The following FBXL2 variants were observed in gnomAD, a reference collection of about 807,000 sequenced individuals.
The protein encoded by FBXL2 is F-box/LRR-repeat protein 2.
A neutral mutation model predicts 69.2 loss-of-function variants in FBXL2; 38 were observed. The ratio of observed to expected loss-of-function variants is 0.55; its 90% CI spans 0.42 to 0.72. The LOEUF is 0.72. Among genes scored for constraint, FBXL2 ranks in the 30% least tolerant of loss-of-function variants. FBXL2 has a pLI of 0.00. For missense variants in FBXL2, 354 were observed against 520.3 expected, an observed-to-expected ratio of 0.68 and a Z score of 3.11; for synonymous variants, 192 against 201.3, an observed-to-expected ratio of 0.95 and a Z score of 0.39.
At chr3:33,403,540 A>G (rs1289889245) in exon 13 of FBXL2, 2 of 118,870 alleles carry the variant, frequency 1.7e-5, no homozygotes, top group Non-Finnish European at 3.7e-5. Context: ...TGTCTATCTA[A>G]TCTATCTGTC....
chr3:33,321,250 C>T (rs2038181513), intron 2 of FBXL2, among the ~76,000 whole-genome samples: 1 of 149,784 alleles, frequency 6.7e-6, no homozygotes, highest in Non-Finnish European at 1.5e-5. Context: ...ATGGAGGTTG[C>T]AGTGAGCTGA....
At chr3:33,337,845 A>G (rs1464766882) in intron 2 of FBXL2, among the ~76,000 whole-genome samples, 1 of 152,222 alleles carries the variant, frequency 6.6e-6, no homozygotes, top group East Asian at 1.9e-4. Flanking sequence ...AGCCAAATCA[A>G]GAACGCAATA....
At chr3:33,416,538 A>G in the FBXL2 span, among the ~76,000 whole-genome samples, 2 of 152,196 alleles carry the variant, frequency 1.3e-5, no homozygotes, top group Non-Finnish European at 2.9e-5. Flanking sequence ...CATAACTACA[A>G]CTAACTTTTC....
At chr3:33,285,578 A>C (rs1297723405) in intron 1 of FBXL2, among the ~76,000 whole-genome samples, 1 of 152,154 alleles carries the variant, frequency 6.6e-6, no homozygotes, top group African/African-American at 2.4e-5. Context: ...CTGAATTTGA[A>C]TGTTGGCCTG....
In FBXL2 at chr3:33,384,009, C is replaced by G; in HGVS notation, c.972C>G (p.Leu324=). The change falls in exon 14 of 15, where the codon CTC becomes CTG. Residue 324 remains leucine, a synonymous_variant. Transcript: ENST00000484457. ...TCCAGAGCCTGTCCCACTGTGAACT[C>G]ATCACAGATGATGGGATCCTGCACC... is the stretch of plus-strand genomic sequence containing the variant. The part of the protein sequence containing the change: ...LQALSLSHCE[L]ITDDGILHLS... The G allele has an allele frequency of 6.2e-7, 1 of 1,614,054 alleles. No individual in the cohort carries two copies. The highest frequency in any genetic ancestry group is 8.5e-7 in the Non-Finnish European group (1 of 1,179,954).
intron 2 of FBXL2, among the ~76,000 whole-genome samples, chr3:33,323,620 C>G (rs112189711): frequency 2.0e-5 from 3 of 152,236 alleles, no homozygotes; most frequent in Non-Finnish European, 4.4e-5. Flanking sequence ...TCATCCATGT[C>G]CCTGTAAAGG....
In FBXL2 at chr3:33,385,826, CAT is replaced by C; in HGVS notation, c.*219_*220del. On this transcript the variant is annotated 3_prime_UTR_variant, in exon 15 of 15. Coordinates refer to ENST00000484457, the MANE Select transcript of FBXL2 (RefSeq NM_012157.5). ...AATCAAAGCCTTGTGTCAGTTAACA[CAT>C]GACAAGTGGTCTCAATGCAGCTAGG... 1.8e-6 allele frequency: 1 copy of C among 565,984 alleles called. No homozygotes were observed. The highest frequency in any genetic ancestry group is 3.2e-6 in the Non-Finnish European group (1 of 316,104). The allele number at this position is 565,984 out of a possible 1,614,324, so 35.1% of individuals were successfully genotyped here. A position where few individuals can be genotyped will look rare whatever the true frequency, so the allele number is the denominator to read the frequency against.
chr3:33,421,731 T>C, the FBXL2 span, among the ~76,000 whole-genome samples: 1 of 152,234 alleles, frequency 6.6e-6, no homozygotes, highest in Non-Finnish European at 1.5e-5. Flanking sequence ...CAGCATTACA[T>C]AGTGGCAAAT....
intron 4 of FBXL2, among the ~76,000 whole-genome samples, chr3:33,362,958 AT>A (rs11352031): frequency 0.26 from 38,974 of 151,992 alleles, 5,879 homozygotes; most frequent in East Asian, 0.47. Flanking sequence ...GAAAGTATAA[AT>A]AAATGCTAGC....
At chr3:33,337,222 C>CA (rs910938992) in intron 2 of FBXL2, among the ~76,000 whole-genome samples, 1 of 151,894 alleles carries the variant, frequency 6.6e-6, no homozygotes, top group Non-Finnish European at 1.5e-5. Context: ...AACAAACAAA[C>CA]AAAAAAACCT....
chr3:33,373,584 C>A lies in FBXL2; in HGVS notation c.462C>A (p.Gly154=). The A allele has an allele frequency of 6.2e-7, 1 of 1,614,154 alleles. No homozygotes were observed. The highest frequency in any genetic ancestry group is 8.5e-7 in the Non-Finnish European group (1 of 1,180,024). Reference sequence around the variant, plus strand: ...TTGTTTCTTGTTCTCTCAGTGAGGGCTGCCGAAACCTGGAGTACCTGAACC... The same window carrying A: ...TTGTTTCTTGTTCTCTCAGTGAGGGATGCCGAAACCTGGAGTACCTGAACC... ...TNSSLKGISE[G]CRNLEYLNLS... is the part of the protein sequence containing the mutation. The change falls in exon 8 of 15, where the codon GGC becomes GGA. Residue 154 remains glycine (G), a synonymous_variant. Transcript: ENST00000484457.
chr3:33,317,540 C>A (rs1179466516), intron 2 of FBXL2: 1 of 456,392 alleles, frequency 2.2e-6, no homozygotes, highest in Non-Finnish European at 4.4e-6. Flanking sequence ...GGAAGACACA[C>A]ATCATTGTTT....
intron 12 of FBXL2, among the ~76,000 whole-genome samples, chr3:33,403,080 T>C (rs2044292402): frequency 6.6e-6 from 1 of 152,210 alleles, no homozygotes; most frequent in African/African-American, 2.4e-5. Flanking sequence ...AGAAAAGTTT[T>C]ACCTGCTGTG....
chr3:33,369,056 ATTT>A (rs200087201), intron 5 of FBXL2, among the ~76,000 whole-genome samples: 1 of 142,030 alleles, frequency 7.0e-6, no homozygotes, highest in African/African-American at 2.6e-5. Context: ...CTTCTTTTAG[ATTT>A]TTTTTTTTTT....
At chr3:33,332,076 A>T (rs2039209609) in intron 2 of FBXL2, among the ~76,000 whole-genome samples, 1 of 152,084 alleles carries the variant, frequency 6.6e-6, no homozygotes, top group Non-Finnish European at 1.5e-5. Flanking sequence ...GGAAAGGATT[A>T]ATAAAAATAA....
chr3:33,416,208 G>A, the FBXL2 span: 1 of 152,256 alleles, frequency 6.6e-6, no homozygotes, highest in Non-Finnish European at 1.5e-5. Flanking sequence ...ACCCTGCCCT[G>A]TAATGCTATG....
At chr3:33,364,547 A>T in intron 4 of FBXL2, 78 bp from the exon 5 acceptor site, 2 of 1,235,556 alleles carry the variant, frequency 1.6e-6, no homozygotes, top group Non-Finnish European at 2.4e-6. Flanking sequence ...TTCAGTTCCT[A>T]GATTTCAGGT....
intron 1 of FBXL2, among the ~76,000 whole-genome samples, chr3:33,294,650 G>A (rs2035572047): frequency 6.6e-6 from 1 of 151,970 alleles, no homozygotes; most frequent in South Asian, 2.1e-4. Flanking sequence ...ACCAGCCTGG[G>A]CAACATAGGG....
downstream of FBXL2, chr3:33,388,634 A>G (rs2043613871): frequency 6.6e-6 from 1 of 152,292 alleles, no homozygotes; most frequent in African/African-American, 2.4e-5. Flanking sequence ...CTTTTAAAAC[A>G]AACGAGATAA....
Sources: gnomAD v4.1 joint callset for allele counts (sites outside exome capture counted in the v4.1 genomes callset) on GRCh38, gnomAD v4.1.1 for gene constraint, MANE v1.5 for transcripts, NCBI Gene and HGNC (gene_info 2026-07-23, HGNC 2026-07-21) for gene names.